ABCC9: variants seen among roughly 807,000 people sequenced by gnomAD.
ABCC9 encodes the protein ATP binding cassette subfamily C member 9.
Under a neutral mutation model 188.3 loss-of-function variants are expected in ABCC9, and 95 were observed. The ratio of observed to expected loss-of-function variants is 0.50; its 90% CI spans 0.43 to 0.60. The LOEUF (loss-of-function observed/expected upper bound fraction) is 0.60, where lower values mean the gene tolerates loss of function less well. Ranked by LOEUF, ABCC9 falls within the 20% of genes least tolerant of loss-of-function variation. The probability of loss-of-function intolerance (pLI) is 0.00; values close to 1 mark genes in which losing one functional copy is unlikely to be tolerated. For missense variants in ABCC9, 1,102 were observed against 1,876.3 expected, an observed-to-expected ratio of 0.59 and a Z score of 7.62; for synonymous variants, 659 against 652.7, an observed-to-expected ratio of 1.01 and a Z score of -0.15.
intron 7 of ABCC9, among the ~76,000 whole-genome samples, chr12:21,913,984 A>C (rs1948432948): frequency 6.6e-6 from 1 of 152,200 alleles, no homozygotes; most frequent in African/African-American, 2.4e-5. Context: ...TGCTTAGGCT[A>C]GACTGCAAAC....
intron 35 of ABCC9, among the ~76,000 whole-genome samples, chr12:21,812,432 A>G (rs952157498): frequency 2.0e-5 from 3 of 152,192 alleles, no homozygotes; most frequent in Non-Finnish European, 4.4e-5. Context: ...CACAATAGCA[A>G]AGACTTGGAA....
At chr12:21,822,886 C>CG (rs1848727897) in intron 31 of ABCC9, among the ~76,000 whole-genome samples, 1 of 151,928 alleles carries the variant, frequency 6.6e-6, no homozygotes, top group African/African-American at 2.4e-5. Flanking sequence ...AGTGACCCTA[C>CG]GGTTACATCT....
intron 8 of ABCC9, 125 bp downstream of exon 8, chr12:21,912,747 G>T: frequency 1.8e-5 from 16 of 870,354 alleles, no homozygotes; most frequent in Middle Eastern, 3.5e-4. Context: ...CTTTCTTTTA[G>T]AAAGCATTCA....
chr12:21,808,475 G>A (rs1261367749), intron 37 of ABCC9, among the ~76,000 whole-genome samples: 1 of 152,118 alleles, frequency 6.6e-6, no homozygotes, highest in Admixed American at 6.6e-5. Flanking sequence ...TAATGAAGAG[G>A]ACTAGAAAGA....
At chr12:21,872,130 T>C (rs1443178679) in intron 18 of ABCC9, among the ~76,000 whole-genome samples, 1 of 152,220 alleles carries the variant, frequency 6.6e-6, no homozygotes, top group Non-Finnish European at 1.5e-5. Flanking sequence ...AAGCTATTCA[T>C]ATCTCCAACT....
At chr12:21,925,120 A>T (rs1948996744) in intron 5 of ABCC9, 2 of 165,478 alleles carry the variant, frequency 1.2e-5, no homozygotes, top group Non-Finnish European at 2.6e-5. Flanking sequence ...ATTCACACAA[A>T]CACATAATTC....
At chr12:21,829,363 G>A (rs938516024) in intron 30 of ABCC9, among the ~76,000 whole-genome samples, 25 of 151,790 alleles carry the variant, frequency 1.6e-4, no homozygotes, top group Non-Finnish European at 3.1e-4. Flanking sequence ...CACCATGCCC[G>A]GCTAATTTTT....
chr12:21,818,217 G>C lies in ABCC9; in HGVS notation c.3704C>G (p.Ser1235Cys). 6.2e-7 allele frequency: 1 copy of C among 1,613,888 alleles called. No homozygotes were observed. The highest frequency in any genetic ancestry group is 8.5e-7 in the Non-Finnish European group (1 of 1,179,890). ...YLGACIVLTA[S>C]IASISGSSNS... is the part of the protein sequence containing the mutation. ...CGAAGACCCACTAATGGATGCTATAGATGCAGTGAGGACAATGCAAGCTCC... is the reference window on the plus strand; with the variant it reads ...CGAAGACCCACTAATGGATGCTATACATGCAGTGAGGACAATGCAAGCTCC... Residue 1235 changes from serine (S) to cysteine (C), a missense_variant, in exon 32 of 40, where the codon TCT becomes TGT. Physicochemically the swap from Ser to Cys is moderately radical, Grantham distance 112. Around this residue, in one of 12 missense-constraint regions of ABCC9, gnomAD observed 143 missense variants for 225.6 expected, o/e 0.63. Transcript: ENST00000261200.
chr12:21,823,054 C>A (rs1943150375), intron 31 of ABCC9, among the ~76,000 whole-genome samples: 1 of 152,168 alleles, frequency 6.6e-6, no homozygotes, highest in Non-Finnish European at 1.5e-5. Flanking sequence ...ACATCCTAAG[C>A]AATCTACTCA....
At chr12:21,820,207 AG>A (rs1345237413) in intron 31 of ABCC9, among the ~76,000 whole-genome samples, 1 of 152,166 alleles carries the variant, frequency 6.6e-6, no homozygotes, top group Non-Finnish European at 1.5e-5. Flanking sequence ...AAAGTAAATT[AG>A]TACCAGAAAA....
chr12:21,860,479 C>T (rs771163784), intron 21 of ABCC9, among the ~76,000 whole-genome samples: 33 of 152,206 alleles, frequency 2.2e-4, no homozygotes, highest in Non-Finnish European at 3.5e-4. Context: ...GGACTTACAA[C>T]GATTAAAACA....
intron 31 of ABCC9, chr12:21,828,290 C>T (rs1417232709): frequency 1.3e-5 from 2 of 154,472 alleles, no homozygotes; most frequent in African/African-American, 2.4e-5. Context: ...AGGGCAGGTA[C>T]AATTCATTAT....
intron 29 of ABCC9, among the ~76,000 whole-genome samples, chr12:21,840,464 T>A (rs1331966602): frequency 6.6e-6 from 1 of 152,252 alleles, no homozygotes; most frequent in African/African-American, 2.4e-5. Context: ...ATGAACAGAA[T>A]TCACAATTCA....
At chr12:21,865,592 A>C (rs755185522) in intron 18 of ABCC9, among the ~76,000 whole-genome samples, 10 of 152,158 alleles carry the variant, frequency 6.6e-5, no homozygotes, top group Non-Finnish European at 1.2e-4. Flanking sequence ...AAGAGAGAAG[A>C]GTGAGTATGT....
intron 3 of ABCC9, among the ~76,000 whole-genome samples, chr12:21,935,423 T>C (rs1281857444): frequency 6.6e-6 from 1 of 152,146 alleles, no homozygotes; most frequent in Non-Finnish European, 1.5e-5. Context: ...TGATGAGTTC[T>C]TTAATCCCCC....
chr12:21,864,032 T>C (rs1284995252), intron 19 of ABCC9, among the ~76,000 whole-genome samples: 1 of 151,702 alleles, frequency 6.6e-6, no homozygotes. Context: ...TTTAAGGTTT[T>C]TGTTTTTGTT....
rs766839074 is a variant in ABCC9 at position 21,859,575 on chromosome 12, C to G, written c.2505+11G>C. The G allele has an allele frequency of 3.8e-5, 62 of 1,612,360 alleles. No homozygotes were observed. The highest frequency in any genetic ancestry group is 5.2e-5 in the Non-Finnish European group (61 of 1,178,664). On this transcript the variant is annotated intron_variant, in intron 22 of 39. Coordinates refer to ENST00000261200, the MANE Select transcript of ABCC9 (RefSeq NM_020297.4). ...ATGAAATAGAAATAAAAGGGAAGGC[C>G]ATATTCTTACCAAAAAGACAATGTT...
intron 33 of ABCC9, among the ~76,000 whole-genome samples, chr12:21,816,375 G>A (rs892583121): frequency 5.9e-5 from 9 of 152,044 alleles, no homozygotes; most frequent in Admixed American, 6.6e-5. Flanking sequence ...TGTCCAGTAG[G>A]TCAGCACCTA....
chr12:21,826,139 A>G (rs1001643585), intron 31 of ABCC9, among the ~76,000 whole-genome samples: 1 of 152,192 alleles, frequency 6.6e-6, no homozygotes, highest in African/African-American at 2.4e-5. Context: ...GGGAACTCTA[A>G]GAATATTTGC....
Sources: allele counts gnomAD v4.1 joint callset (sites outside exome capture counted in the v4.1 genomes callset), GRCh38; gene constraint gnomAD v4.1.1; regional missense constraint gnomAD v4.1.1; transcripts MANE v1.5; gene names NCBI Gene and HGNC (gene_info 2026-07-23, HGNC 2026-07-21).